Variants in TTC7B observed in about 807,000 individuals in gnomAD.
TTC7B encodes tetratricopeptide repeat protein 7B.
Under a neutral mutation model 106.8 loss-of-function variants are expected in TTC7B, and 28 were observed. The observed-to-expected ratio is 0.26, with a 90% CI of 0.19 to 0.36. TTC7B has a LOEUF of 0.36. TTC7B is among the 10% of genes least tolerant of loss of function. TTC7B has a pLI of 1.00. For synonymous variants in TTC7B, 405 were observed against 430.6 expected, an observed-to-expected ratio of 0.94 and a Z score of 0.74; for missense variants, 862 against 1,076.4, an observed-to-expected ratio of 0.80 and a Z score of 2.79.
At chr14:90,679,127 G>A (rs796458614) in intron 8 of TTC7B, among the ~76,000 whole-genome samples, 2 of 152,296 alleles carry the variant, frequency 1.3e-5, no homozygotes, top group African/African-American at 4.8e-5. Flanking sequence ...AGTAGAGAAT[G>A]TAAATGACAC....
At position 90,663,758 on chromosome 14, in the gene TTC7B, G is replaced by A. The variant is rs1662807727; in HGVS notation, c.1153-5371C>T. 1.3e-5 allele frequency among the ~76,000 whole-genome samples: 2 copies of A among 152,226 alleles called. No homozygotes were observed. The highest frequency in any genetic ancestry group is 4.8e-5 in the African/African-American group (2 of 41,514). On this transcript the variant is annotated intron_variant, in intron 9 of 19. Coordinates refer to ENST00000328459, the MANE Select transcript of TTC7B (RefSeq NM_001010854.2). The surrounding 1 kb of genome is among the most constrained non-coding windows in gnomAD (Gnocchi z 4.5). ...GTCCTAAAGAGAGTTAGGAAATCTG[G>A]GTCAATTACAGATTAGCCCTCCACC...
intron 19 of TTC7B, among the ~76,000 whole-genome samples, chr14:90,554,429 C>T (rs1890215723): frequency 2.0e-5 from 3 of 152,158 alleles, no homozygotes; most frequent in Admixed American, 2.0e-4. Flanking sequence ...GTTCGGGTTC[C>T]GGGGGTGGGG....
intron 8 of TTC7B, among the ~76,000 whole-genome samples, chr14:90,677,323 T>A (rs552622006): frequency 6.6e-6 from 1 of 152,318 alleles, no homozygotes; most frequent in African/African-American, 2.4e-5. Flanking sequence ...CACAGAGGAC[T>A]CAAGAGAACA....
At chr14:90,687,888 A>G (rs748379331) in intron 7 of TTC7B, among the ~76,000 whole-genome samples, 2 of 152,346 alleles carry the variant, frequency 1.3e-5, no homozygotes, top group Admixed American at 6.5e-5. Flanking sequence ...CAAGAAGGTG[A>G]CAAGAGAGAG....
chr14:90,660,099 A>C (rs570949240), intron 9 of TTC7B, among the ~76,000 whole-genome samples: 2 of 152,028 alleles, frequency 1.3e-5, no homozygotes, highest in Middle Eastern at 3.2e-3. Context: ...AAAAGAACAG[A>C]GGCGGCTGGG....
intron 17 of TTC7B, 153 bp from the exon 18 acceptor site, chr14:90,593,779 G>GTGATT: frequency 1.5e-6 from 1 of 680,946 alleles, no homozygotes; most frequent in Non-Finnish European, 2.2e-6. Context: ...GGGCAATCAC[G>GTGATT]GCCCGGGGCC....
At position 90,744,655 on chromosome 14, in the gene TTC7B, T is replaced by C. The variant is rs1889891004; in HGVS notation, c.576+137A>G. 6 of 922,868 alleles carry C rather than the reference T, an allele frequency of 6.5e-6. No individual in the cohort carries two copies. In the East Asian group the frequency reaches 1.5e-4, roughly 23 times the overall value. The allele number at this position is 922,868 out of a possible 1,614,324, so 57.2% of individuals were successfully genotyped here. On this transcript the variant is annotated intron_variant, in intron 4 of 19. Transcript: ENST00000328459. ...TACAGCAATCACTACCACACTCTCC[T>C]TAGCTTTAAGGAGTACAAGTAAAGC...
chr14:90,569,453 GAATT>G (rs1566775042), intron 19 of TTC7B, among the ~76,000 whole-genome samples: 1 of 152,182 alleles, frequency 6.6e-6, no homozygotes, highest in Non-Finnish European at 1.5e-5. Context: ...CACTAGCTGA[GAATT>G]CATCTGACCT....
chr14:90,708,853 ACC>A (rs1888318595), intron 5 of TTC7B, among the ~76,000 whole-genome samples: 1 of 152,036 alleles, frequency 6.6e-6, no homozygotes, highest in South Asian at 2.1e-4. Context: ...AAAACAAACA[ACC>A]CCATCAAAAA....
In TTC7B at chr14:90,780,896, A is replaced by G; in HGVS notation, c.287T>C (p.Leu96Pro). The change falls in exon 3 of 20, where the codon CTA (leucine) becomes CCA (proline). Residue 96 changes from leucine to proline, a missense_variant. Leu to Pro is a moderately conservative substitution (Grantham distance 98). Transcript: ENST00000328459. ...GGCCATGATCAGATTGGATTCTTGT[A>G]GGAATTCTGACTAGAAGCAAAAGGA... is the stretch of plus-strand genomic sequence containing the variant. ...LDRGNLKSEF[L>P]QESNLIMAKL... 2 of 1,614,180 alleles carry G rather than the reference A, an allele frequency of 1.2e-6. No homozygotes were observed. Among genetic ancestry groups the G allele is most frequent in the Non-Finnish European group, 1.7e-6 (2 of 1,179,988 alleles).
chr14:90,780,091 C>T (rs116587688), intron 3 of TTC7B, among the ~76,000 whole-genome samples: 134 of 152,226 alleles, frequency 8.8e-4, no homozygotes, highest in African/African-American at 3.0e-3. Flanking sequence ...TATCAAGAAA[C>T]TTTGCTGAAG....
At chr14:90,694,677 A>ATTT (rs1312321683) in intron 6 of TTC7B, among the ~76,000 whole-genome samples, 367 of 97,516 alleles carry the variant, frequency 3.8e-3, no homozygotes, top group African/African-American at 0.013. Flanking sequence ...ATATATGTAT[A>ATTT]TTTTTATTTT....
At chr14:90,806,885 C>T (rs746425043) in intron 1 of TTC7B, among the ~76,000 whole-genome samples, 3 of 148,434 alleles carry the variant, frequency 2.0e-5, no homozygotes, top group South Asian at 2.2e-4. Context: ...CCAGCCTGAG[C>T]GACAGAGTGA....
At chr14:90,595,019 C>G (rs550112740) in intron 17 of TTC7B, among the ~76,000 whole-genome samples, 1 of 152,172 alleles carries the variant, frequency 6.6e-6, no homozygotes, top group Admixed American at 6.5e-5. Flanking sequence ...CTGCACAATA[C>G]GGAACTCAGA....
At chr14:90,613,725 G>A (rs540213719) in intron 16 of TTC7B, among the ~76,000 whole-genome samples, 1 of 152,334 alleles carries the variant, frequency 6.6e-6, no homozygotes, top group East Asian at 1.9e-4. Context: ...CCCTTAGGCT[G>A]CCAGGAGCAC....
intron 19 of TTC7B, chr14:90,569,577 C>G (rs1442222913): frequency 6.6e-6 from 1 of 152,228 alleles, no homozygotes; most frequent in Non-Finnish European, 1.5e-5. Context: ...TATAAATCAT[C>G]ATTTTGGTTT....
chr14:90,553,627 G>A (rs1014150606), intron 19 of TTC7B, among the ~76,000 whole-genome samples: 1 of 152,190 alleles, frequency 6.6e-6, no homozygotes, highest in Non-Finnish European at 1.5e-5. Context: ...CTGGAACCAC[G>A]TGGAAAAGCC....
At chr14:90,603,159 C>A in intron 17 of TTC7B, 1 of 878,274 alleles carries the variant, frequency 1.1e-6, no homozygotes. Context: ...TCTCAGCATT[C>A]TCAGCACTCA....
At chr14:90,588,461 A>G (rs1001680380) in intron 18 of TTC7B, among the ~76,000 whole-genome samples, 3 of 152,232 alleles carry the variant, frequency 2.0e-5, no homozygotes, top group African/African-American at 7.2e-5. Context: ...ATGGGCACCA[A>G]GAAGCTGTTT....
Sources: gnomAD v4.1 joint callset for allele counts (sites outside exome capture counted in the v4.1 genomes callset) on GRCh38, gnomAD v4.1.1 for gene constraint, Gnocchi (gnomAD v3.1) non-coding constraint, MANE v1.5 for transcripts, NCBI Gene and HGNC (gene_info 2026-07-23, HGNC 2026-07-21) for gene names.